Variants in RNF180 observed in about 807,000 individuals in gnomAD.
RNF180 encodes E3 ubiquitin-protein ligase RNF180.
A neutral mutation model predicts 59.2 loss-of-function variants in RNF180; 38 were observed. That is an observed-to-expected ratio of 0.64 (90% CI 0.50 to 0.84). The LOEUF (loss-of-function observed/expected upper bound fraction) is 0.84, where lower values mean the gene tolerates loss of function less well. Ranked by LOEUF, RNF180 falls within the 40% of genes least tolerant of loss-of-function variation. RNF180 has a pLI of 0.00. For synonymous variants in RNF180, 262 were observed against 240.3 expected, an observed-to-expected ratio of 1.09 and a Z score of -0.84; for missense variants, 705 against 700.9, an observed-to-expected ratio of 1.01 and a Z score of -0.07.
At chr5:64,336,404 G>A (rs1270450204) in intron 7 of RNF180, among the ~76,000 whole-genome samples, 1 of 152,038 alleles carries the variant, frequency 6.6e-6, no homozygotes, top group Non-Finnish European at 1.5e-5. Context: ...TCACTTTCTA[G>A]AATACTTCCA....
At chr5:64,269,098 C>A (rs1744857147) in intron 5 of RNF180, among the ~76,000 whole-genome samples, 3 of 152,108 alleles carry the variant, frequency 2.0e-5, no homozygotes, top group African/African-American at 7.2e-5. Context: ...ATCTCACTTC[C>A]TTTGAGGAAT....
chr5:64,269,933 G>A (rs1744914090), intron 5 of RNF180, among the ~76,000 whole-genome samples: 2 of 151,900 alleles, frequency 1.3e-5, no homozygotes, highest in African/African-American at 4.8e-5. Flanking sequence ...TCATTGCCTG[G>A]CTGAAATCCA....
chr5:64,348,147 A>G (rs1457230354), intron 7 of RNF180, among the ~76,000 whole-genome samples: 1 of 152,082 alleles, frequency 6.6e-6, no homozygotes, highest in Non-Finnish European at 1.5e-5. Flanking sequence ...ATAAATCTAA[A>G]AATATTTCAT....
intron 5 of RNF180, among the ~76,000 whole-genome samples, chr5:64,298,764 C>T (rs1743020847): frequency 6.6e-6 from 1 of 152,010 alleles, no homozygotes. Flanking sequence ...TCAAAGAACT[C>T]CAGCCAATAA....
chr5:64,266,760 G>A (rs1336234563), intron 5 of RNF180, among the ~76,000 whole-genome samples: 1 of 152,082 alleles, frequency 6.6e-6, no homozygotes, highest in African/African-American at 2.4e-5. Flanking sequence ...TAGAGAGTAG[G>A]TGTAAATCGA....
chr5:64,366,202 A>T (rs1473508416), intron 7 of RNF180, among the ~76,000 whole-genome samples: 1 of 151,450 alleles, frequency 6.6e-6, no homozygotes, highest in Non-Finnish European at 1.5e-5. Flanking sequence ...TCTGAAAAGG[A>T]TATTATTTCT....
At chr5:64,189,572 G>A (rs898119820) in intron 1 of RNF180, among the ~76,000 whole-genome samples, 17 of 152,200 alleles carry the variant, frequency 1.1e-4, no homozygotes, top group Non-Finnish European at 1.8e-4. Flanking sequence ...TTTAGCAGAG[G>A]AGATTTGTAA....
chr5:64,265,078 G>T (rs993403699), intron 5 of RNF180, among the ~76,000 whole-genome samples: 3 of 151,948 alleles, frequency 2.0e-5, no homozygotes, highest in African/African-American at 7.2e-5. Flanking sequence ...GAGGTTGTTT[G>T]TTTTTTCTTG....
At chr5:64,314,130 C>T (rs1462144786) in intron 5 of RNF180, among the ~76,000 whole-genome samples, 2 of 152,030 alleles carry the variant, frequency 1.3e-5, no homozygotes, top group Non-Finnish European at 2.9e-5. Flanking sequence ...AGTTTTTGTA[C>T]ATTGAACCAT....
intron 1 of RNF180, among the ~76,000 whole-genome samples, chr5:64,174,933 TTTACATTTAAG>T: frequency 6.6e-6 from 1 of 151,642 alleles, no homozygotes; most frequent in East Asian, 1.9e-4. Flanking sequence ...AGGTTCCGGT[TTTACATTTAAG>T]TCTTTAATCC....
intron 6 of RNF180, among the ~76,000 whole-genome samples, chr5:64,329,607 G>A (rs1450736427): frequency 6.6e-6 from 1 of 151,926 alleles, no homozygotes; most frequent in East Asian, 1.9e-4. Flanking sequence ...GCAGGTGCCT[G>A]CCACCATGCC....
At chr5:64,186,205 G>C (rs952825912) in intron 1 of RNF180, among the ~76,000 whole-genome samples, 3 of 152,086 alleles carry the variant, frequency 2.0e-5, no homozygotes, top group Non-Finnish European at 4.4e-5. Context: ...CAGTGTGCTT[G>C]TCTGTGCAGC....
At chr5:64,186,859 T>G (rs1354254747) in intron 1 of RNF180, among the ~76,000 whole-genome samples, 1 of 152,164 alleles carries the variant, frequency 6.6e-6, no homozygotes, top group Non-Finnish European at 1.5e-5. Flanking sequence ...TTTTGGAAAG[T>G]GTATTTCAGC....
At chr5:64,349,435 CTTTT>C (rs926452541) in intron 7 of RNF180, among the ~76,000 whole-genome samples, 3 of 143,244 alleles carry the variant, frequency 2.1e-5, no homozygotes, top group Admixed American at 2.1e-4. Flanking sequence ...GTTTCTATTA[CTTTT>C]TTTTATTATA....
intron 5 of RNF180, among the ~76,000 whole-genome samples, chr5:64,271,907 C>G (rs778916370): frequency 9.2e-5 from 14 of 151,992 alleles, no homozygotes; most frequent in Non-Finnish European, 1.9e-4. Context: ...CGTTTCCCAC[C>G]TCACCAGCAA....
chr5:64,232,964 A>ACCAATATG (rs1742188761), intron 5 of RNF180, among the ~76,000 whole-genome samples: 1 of 152,190 alleles, frequency 6.6e-6, no homozygotes, highest in Non-Finnish European at 1.5e-5. Flanking sequence ...TGTGCTCTTA[A>ACCAATATG]CCAATATGCT....
intron 5 of RNF180, among the ~76,000 whole-genome samples, chr5:64,324,206 G>C (rs1744513061): frequency 6.6e-6 from 1 of 152,100 alleles, no homozygotes; most frequent in Non-Finnish European, 1.5e-5. Context: ...ATTTACAAAA[G>C]ATGAATAAAA....
rs749649459 is a variant in RNF180 at position 64,166,165 on chromosome 5, C to G, written c.-1+212C>G. 2.9e-3 allele frequency: 439 copies of G among 152,436 alleles called. 2 individuals are homozygous for G. Among genetic ancestry groups the G allele is most frequent in the Non-Finnish European group, 3.7e-3 (250 of 68,138 alleles). The allele number at this position is 152,436 out of a possible 1,614,324, so 9.4% of individuals were successfully genotyped here. ...TGACGCGGCCGCGGCTTAACTTTCG[C>G]ACCTGAGGCTCTCGGAGCGGCCTCG... On this transcript the variant is annotated intron_variant, in intron 1 of 7. Coordinates refer to ENST00000389100, the MANE Select transcript of RNF180 (RefSeq NM_001113561.2).
At chr5:64,197,402 T>C (rs1751508920) in intron 1 of RNF180, among the ~76,000 whole-genome samples, 1 of 152,188 alleles carries the variant, frequency 6.6e-6, no homozygotes, top group Non-Finnish European at 1.5e-5. Flanking sequence ...GTTTTCTTGG[T>C]AATATTAAGA....
Sources: gnomAD v4.1 joint callset for allele counts (sites outside exome capture counted in the v4.1 genomes callset) on GRCh38, gnomAD v4.1.1 for gene constraint, MANE v1.5 for transcripts, NCBI Gene and HGNC (gene_info 2026-07-23, HGNC 2026-07-21) for gene names.